RASGRF1: variants seen among roughly 807,000 people sequenced by gnomAD.
RASGRF1 encodes the protein ras-specific guanine nucleotide-releasing factor 1.
A neutral mutation model predicts 138.7 loss-of-function variants in RASGRF1; 40 were observed. That is an observed-to-expected ratio of 0.29 (90% CI 0.22 to 0.38). The LOEUF is 0.38. RASGRF1 is among the 10% of genes least tolerant of loss of function. RASGRF1 has a pLI of 1.00. For missense variants in RASGRF1, 1,108 were observed against 1,650.4 expected, an observed-to-expected ratio of 0.67 and a Z score of 5.69; for synonymous variants, 614 against 663.2, an observed-to-expected ratio of 0.93 and a Z score of 1.14.
At chr15:79,000,231 C>T (rs961089422) in intron 16 of RASGRF1, among the ~76,000 whole-genome samples, 5 of 152,240 alleles carry the variant, frequency 3.3e-5, no homozygotes, top group African/African-American at 4.8e-5. Flanking sequence ...CAGCAGGGCA[C>T]AGGCCTGCCT....
At chr15:79,065,543 C>G (rs2057667860) in intron 1 of RASGRF1, among the ~76,000 whole-genome samples, 1 of 151,650 alleles carries the variant, frequency 6.6e-6, no homozygotes, top group East Asian at 1.9e-4. Context: ...GGGGCATTGG[C>G]AGGAGGAAGG....
At chr15:79,072,994 C>T (rs1018436622) in intron 1 of RASGRF1, among the ~76,000 whole-genome samples, 2 of 152,170 alleles carry the variant, frequency 1.3e-5, no homozygotes, top group African/African-American at 2.4e-5. Context: ...GCCTGGATCC[C>T]GGTTGGATTC....
chr15:78,993,009 G>C lies in RASGRF1; in HGVS notation c.3028-1215C>G, dbSNP rs551980683. ...GTGGAGAAAAACAGCCTCTGTGTGTGTGCCATGTGGGTGGTGTGTGGGTGG... is the reference window on the plus strand; with the variant it reads ...GTGGAGAAAAACAGCCTCTGTGTGTCTGCCATGTGGGTGGTGTGTGGGTGG... On this transcript the variant is annotated intron_variant, in intron 20 of 26. Transcript: ENST00000558480. 2.6e-5 allele frequency among the ~76,000 whole-genome samples: 4 copies of C among 152,080 alleles called. No homozygotes were observed. In the South Asian group the frequency reaches 8.3e-4, roughly 32 times the overall value.
chr15:79,075,909 C>T (rs117625508), intron 1 of RASGRF1, among the ~76,000 whole-genome samples: 44 of 152,318 alleles, frequency 2.9e-4, no homozygotes, highest in Non-Finnish European at 3.8e-4. Context: ...ATTCTATACA[C>T]GTGGTATTAG....
At chr15:79,012,997 T>C (rs2056824110) in intron 13 of RASGRF1, among the ~76,000 whole-genome samples, 1 of 152,124 alleles carries the variant, frequency 6.6e-6, no homozygotes, top group African/African-American at 2.4e-5. Context: ...AGAGCATGAG[T>C]GGGTACTCAC....
At chr15:79,063,747 G>T (rs1028914140) in intron 2 of RASGRF1, among the ~76,000 whole-genome samples, 17 of 152,162 alleles carry the variant, frequency 1.1e-4, no homozygotes, top group Admixed American at 1.1e-3. Context: ...GGGTGCTGCT[G>T]CCCCTAACCA....
At chr15:78,989,511 G>C (rs898534224) in intron 22 of RASGRF1, among the ~76,000 whole-genome samples, 3 of 152,070 alleles carry the variant, frequency 2.0e-5, no homozygotes, top group African/African-American at 4.8e-5. Context: ...TAACATTAAA[G>C]AGAATGTTTA....
intron 1 of RASGRF1, among the ~76,000 whole-genome samples, chr15:79,079,304 A>G (rs777532305): frequency 4.6e-5 from 7 of 152,198 alleles, no homozygotes; most frequent in Non-Finnish European, 8.8e-5. Flanking sequence ...ATGAAGGTAC[A>G]AACTTCAGTA....
chr15:79,021,093 T>G (rs189524477), intron 10 of RASGRF1, among the ~76,000 whole-genome samples: 85 of 152,236 alleles, frequency 5.6e-4, no homozygotes, highest in Middle Eastern at 3.4e-3. Flanking sequence ...AGTTGAACCT[T>G]CGGAACACTG....
chr15:79,086,815 C>T (rs550643069), intron 1 of RASGRF1, among the ~76,000 whole-genome samples: 22 of 152,208 alleles, frequency 1.4e-4, no homozygotes, highest in South Asian at 4.2e-4. Context: ...TGGGAAAAGT[C>T]GGGGTTGGGG....
At chr15:79,001,565 G>T in intron 16 of RASGRF1, 97 bp downstream of exon 16, 1 of 1,428,852 alleles carries the variant, frequency 7.0e-7, no homozygotes, top group African/African-American at 1.4e-5. Flanking sequence ...CACTCATAAA[G>T]CATAAGGGAT....
intron 3 of RASGRF1, among the ~76,000 whole-genome samples, chr15:79,055,501 G>T (rs1257269022): frequency 1.3e-5 from 2 of 151,936 alleles, no homozygotes; most frequent in Non-Finnish European, 2.9e-5. Context: ...AAAATATCTT[G>T]CCCTAATACA....
At chr15:78,967,933 AT>A (rs1341473188) in intron 26 of RASGRF1, among the ~76,000 whole-genome samples, 1 of 152,236 alleles carries the variant, frequency 6.6e-6, no homozygotes, top group Admixed American at 6.5e-5. Context: ...ATAAAATAAA[AT>A]TAGCTGATGT....
intron 22 of RASGRF1, among the ~76,000 whole-genome samples, chr15:78,988,081 G>A (rs1177179797): frequency 6.6e-6 from 1 of 152,212 alleles, no homozygotes. Context: ...AACAGAGATG[G>A]CCAAATGCCA....
At chr15:78,993,092 T>C (rs1412767191) in intron 20 of RASGRF1, among the ~76,000 whole-genome samples, 1 of 143,522 alleles carries the variant, frequency 7.0e-6, no homozygotes, top group Admixed American at 6.9e-5. Context: ...GGGTGGTGTG[T>C]ATGGGGTGTT....
chr15:79,008,120 C>T (rs976389858), intron 13 of RASGRF1, among the ~76,000 whole-genome samples: 2 of 152,164 alleles, frequency 1.3e-5, no homozygotes, highest in Non-Finnish European at 1.5e-5. Context: ...GGATTACAGG[C>T]GTGAGCCACC....
intron 10 of RASGRF1, among the ~76,000 whole-genome samples, chr15:79,022,025 G>A (rs2140982806): frequency 6.6e-6 from 1 of 152,310 alleles, no homozygotes; most frequent in East Asian, 1.9e-4. Context: ...ATGCAGATAA[G>A]GAAACTGAAG....
At position 79,047,008 on chromosome 15, in the gene RASGRF1, CA is replaced by C. The variant is rs1567573009; in HGVS notation, c.625-10del. On this transcript the variant is annotated splice_polypyrimidine_tract_variant and intron_variant, in intron 4 of 26. Transcript: ENST00000558480. Reference sequence around the variant, plus strand: ...CGCAGGAAGCTCTGCACCTGAGCAGCAAGACCGGTGGGGAGAGGCTCCTGTC... The same window carrying C: ...CGCAGGAAGCTCTGCACCTGAGCAGCAGACCGGTGGGGAGAGGCTCCTGTC... The C allele has an allele frequency of 6.2e-7, 1 of 1,606,868 alleles. No homozygotes were observed.
chr15:79,084,198 A>G (rs879421401), intron 1 of RASGRF1, among the ~76,000 whole-genome samples: 3 of 152,236 alleles, frequency 2.0e-5, no homozygotes, highest in Non-Finnish European at 2.9e-5. Flanking sequence ...ATTTGTCTAT[A>G]GTGACCCAGT....
Sources: allele counts gnomAD v4.1 joint callset (sites outside exome capture counted in the v4.1 genomes callset), GRCh38; gene constraint gnomAD v4.1.1; transcripts MANE v1.5; gene names NCBI Gene and HGNC (gene_info 2026-07-23, HGNC 2026-07-21).